Variants in APBA1 observed in about 807,000 individuals in gnomAD.
APBA1 encodes the protein amyloid-beta A4 precursor protein-binding family A member 1.
A neutral mutation model predicts 86.6 loss-of-function variants in APBA1; 55 were observed. The observed-to-expected ratio is 0.64, with a 90% CI of 0.51 to 0.80. The LOEUF is 0.80. Ranked by LOEUF, APBA1 falls within the 30% of genes least tolerant of loss-of-function variation. The probability of loss-of-function intolerance (pLI) is 0.00; values close to 1 mark genes in which losing one functional copy is unlikely to be tolerated. For synonymous variants in APBA1, 511 were observed against 493.9 expected (o/e 1.03, Z -0.46); for missense variants, 1,090 against 1,183.0 (o/e 0.92, Z 1.15).
intron 1 of APBA1, among the ~76,000 whole-genome samples, chr9:69,599,167 G>C (rs1013230738): frequency 6.6e-6 from 1 of 152,200 alleles, no homozygotes; most frequent in Non-Finnish European, 1.5e-5. Flanking sequence ...ACGACAATGT[G>C]AGCTGTGCAC....
At position 69,602,337 on chromosome 9, in the gene APBA1, C is replaced by T. The variant is rs529765253; in HGVS notation, c.-70+69816G>A. Among the ~76,000 whole-genome samples the T allele has an allele frequency of 2.2e-4, 33 of 152,056 alleles. 1 individual carries two copies. The highest frequency in any genetic ancestry group is 5.8e-4 in the East Asian group (3 of 5,160). On this transcript the variant is annotated intron_variant, in intron 1 of 12. Coordinates refer to ENST00000265381, the MANE Select transcript of APBA1 (RefSeq NM_001163.4). ...CTGTAATCCCAGCACTTTGGGAGGA[C>T]GAGGCGGGCGGATCATGAGGTCAGG... is the stretch of plus-strand genomic sequence containing the variant.
At chr9:69,488,398 G>A (rs11138902) in intron 2 of APBA1, among the ~76,000 whole-genome samples, 71,656 of 151,818 alleles carry the variant, frequency 0.47, 17,946 homozygotes, top group Non-Finnish European at 0.55. Flanking sequence ...CTAAGAATTC[G>A]TGTACAGTTG....
At chr9:69,610,729 A>T (rs1022580496) in intron 1 of APBA1, among the ~76,000 whole-genome samples, 3 of 152,168 alleles carry the variant, frequency 2.0e-5, no homozygotes, top group Non-Finnish European at 2.9e-5. Context: ...AATAGAAATT[A>T]TCAGATTTTC....
chr9:69,472,661 T>C (rs1267005669), intron 3 of APBA1: 2 of 152,162 alleles, frequency 1.3e-5, no homozygotes, highest in East Asian at 3.9e-4. Context: ...TTTAAATGCA[T>C]GACTTTAAGA....
intron 12 of APBA1, 90 bp downstream of exon 12, chr9:69,432,446 G>T: frequency 7.7e-7 from 1 of 1,298,326 alleles, no homozygotes. Context: ...GAGCTTTCCT[G>T]GAAGGTCTGC....
At chr9:69,520,132 G>C (rs1336471305) in intron 1 of APBA1, among the ~76,000 whole-genome samples, 1 of 152,142 alleles carries the variant, frequency 6.6e-6, no homozygotes, top group Non-Finnish European at 1.5e-5. Context: ...ATGAATAACA[G>C]ACATTGACTT....
chr9:69,618,584 A>C (rs1303121088), intron 1 of APBA1, among the ~76,000 whole-genome samples: 2 of 152,196 alleles, frequency 1.3e-5, no homozygotes, highest in Admixed American at 6.5e-5. Context: ...TACTCAACCA[A>C]GGCTGATGTG....
intron 1 of APBA1, among the ~76,000 whole-genome samples, chr9:69,537,800 A>C (rs1391342218): frequency 2.0e-5 from 3 of 151,614 alleles, no homozygotes; most frequent in Admixed American, 2.0e-4. Flanking sequence ...TTTTTTAAAC[A>C]CTTGCCAGGA....
chr9:69,629,938 C>T (rs1055896983), intron 1 of APBA1, among the ~76,000 whole-genome samples: 4 of 151,858 alleles, frequency 2.6e-5, no homozygotes, highest in Non-Finnish European at 4.4e-5. Context: ...AATACATTAG[C>T]GAACAAAGCA....
intron 1 of APBA1, among the ~76,000 whole-genome samples, chr9:69,589,023 C>A (rs1377335099): frequency 6.6e-6 from 1 of 152,186 alleles, no homozygotes; most frequent in African/African-American, 2.4e-5. Flanking sequence ...GGCACAATCT[C>A]AGCTCACTGC....
rs138765862 is a variant in APBA1, at chr9:69,638,852, G to C, written c.-70+33301C>G. ...GTATGTTTTTGAAATTTTGAATTTTGAAAATCAAATTTTTGAAGATTAAAA... is the reference window on the plus strand; with the variant it reads ...GTATGTTTTTGAAATTTTGAATTTTCAAAATCAAATTTTTGAAGATTAAAA... On this transcript the variant is annotated intron_variant, in intron 1 of 12. Coordinates refer to ENST00000265381, the MANE Select transcript of APBA1 (RefSeq NM_001163.4). Among the ~76,000 whole-genome samples the C allele has an allele frequency of 2.2e-3, 329 of 152,102 alleles. 1 individual carries two copies. Among genetic ancestry groups the C allele is most frequent in the African/African-American group, 7.4e-3 (308 of 41,498 alleles).
At chr9:69,583,608 T>A (rs1276425774) in intron 1 of APBA1, among the ~76,000 whole-genome samples, 1 of 152,242 alleles carries the variant, frequency 6.6e-6, no homozygotes. Context: ...AGCAAATGAA[T>A]GGGATTTAAA....
chr9:69,613,160 C>A (rs781558627), intron 1 of APBA1, among the ~76,000 whole-genome samples: 1 of 151,678 alleles, frequency 6.6e-6, no homozygotes, highest in Non-Finnish European at 1.5e-5. Context: ...AAATATTGAG[C>A]TTTGATATTA....
Position 69,596,950 on chromosome 9 carries a change from T to A in APBA1, c.-70+75203A>T, listed in dbSNP as rs7864470. 7.9e-3 allele frequency among the ~76,000 whole-genome samples: 1,206 copies of A among 152,302 alleles called. 14 individuals carry two copies. Among genetic ancestry groups the A allele is most frequent in the African/African-American group, 0.027 (1,139 of 41,576 alleles). Reference sequence around the variant, plus strand: ...TGGCTACTGAATTACATGCAGCAGCTCCCAGCCATTTAGTGGGGGTGCAAA... The same window carrying A: ...TGGCTACTGAATTACATGCAGCAGCACCCAGCCATTTAGTGGGGGTGCAAA... On this transcript the variant is annotated intron_variant, in intron 1 of 12. Coordinates refer to ENST00000265381, the MANE Select transcript of APBA1 (RefSeq NM_001163.4).
chr9:69,628,611 T>C (rs984587833), intron 1 of APBA1, among the ~76,000 whole-genome samples: 6 of 152,146 alleles, frequency 3.9e-5, no homozygotes, highest in African/African-American at 1.4e-4. Flanking sequence ...ATCTATTAGC[T>C]TTCTAGAGGA....
chr9:69,596,785 ATCTT>A (rs1490805149), intron 1 of APBA1, among the ~76,000 whole-genome samples: 2 of 152,238 alleles, frequency 1.3e-5, no homozygotes, highest in Non-Finnish European at 2.9e-5. Flanking sequence ...GACACGATCT[ATCTT>A]CTGTTGCAGT....
At chr9:69,591,884 T>C (rs184020378) in intron 1 of APBA1, among the ~76,000 whole-genome samples, 67 of 152,322 alleles carry the variant, frequency 4.4e-4, no homozygotes, top group Admixed American at 1.8e-3. Context: ...GTTAATCTGA[T>C]TTTTGTTTTC....
At chr9:69,651,912 C>T (rs1031536207) in intron 1 of APBA1, among the ~76,000 whole-genome samples, 15 of 152,192 alleles carry the variant, frequency 9.9e-5, no homozygotes, top group African/African-American at 3.6e-4. Flanking sequence ...GAAGCCCAAA[C>T]CCCCAATGTG....
intron 4 of APBA1, among the ~76,000 whole-genome samples, chr9:69,468,214 T>C (rs1835311494): frequency 6.6e-6 from 1 of 152,226 alleles, no homozygotes; most frequent in Non-Finnish European, 1.5e-5. Context: ...AAATATTTAC[T>C]TAAACATGGA....
Sources: gnomAD v4.1 joint callset for allele counts (sites outside exome capture counted in the v4.1 genomes callset) on GRCh38, gnomAD v4.1.1 for gene constraint, MANE v1.5 for transcripts, NCBI Gene and HGNC (gene_info 2026-07-23, HGNC 2026-07-21) for gene names.